Variants in PIBF1 observed in about 807,000 individuals in gnomAD.
PIBF1 encodes progesterone immunomodulatory binding factor 1.
A neutral mutation model predicts 112.5 loss-of-function variants in PIBF1; 90 were observed. The ratio of observed to expected loss-of-function variants is 0.80; its 90% CI spans 0.67 to 0.95. PIBF1 has a LOEUF of 0.95. Ranked by LOEUF, PIBF1 falls within the 40% of genes least tolerant of loss-of-function variation. The pLI is 0.00. For missense variants in PIBF1, 915 were observed against 852.3 expected (o/e 1.07, Z -0.92); for synonymous variants, 301 against 288.6 (o/e 1.04, Z -0.44).
intron 12 of PIBF1, among the ~76,000 whole-genome samples, chr13:72,914,169 T>C (rs1324787072): frequency 6.6e-6 from 1 of 152,230 alleles, no homozygotes; most frequent in African/African-American, 2.4e-5. Context: ...GCTTGCCATT[T>C]AATTCGGGTA....
At chr13:72,952,788 G>A (rs1030712744) in intron 14 of PIBF1, among the ~76,000 whole-genome samples, 1 of 151,164 alleles carries the variant, frequency 6.6e-6, no homozygotes, top group Non-Finnish European at 1.5e-5. Context: ...GATGATAGTA[G>A]TGATGTGCTG....
chr13:72,941,687 A>G (rs538139422), intron 14 of PIBF1, among the ~76,000 whole-genome samples: 1 of 152,332 alleles, frequency 6.6e-6, no homozygotes, highest in East Asian at 1.9e-4. Flanking sequence ...TGTACCTAGA[A>G]GGCATTGCTA....
intron 10 of PIBF1, among the ~76,000 whole-genome samples, chr13:72,892,239 A>C (rs2040086308): frequency 6.6e-6 from 1 of 152,142 alleles, no homozygotes; most frequent in African/African-American, 2.4e-5. Context: ...TTTTTAATAA[A>C]ATTGTAAAAA....
At chr13:72,920,898 T>C (rs2041263646) in intron 13 of PIBF1, among the ~76,000 whole-genome samples, 2 of 152,174 alleles carry the variant, frequency 1.3e-5, no homozygotes. Context: ...AATAAAGTTT[T>C]CATTGTACAT....
chr13:72,919,816 A>G lies in PIBF1; in HGVS notation c.1730+2650A>G, dbSNP rs539932152. On this transcript the variant is annotated intron_variant, in intron 13 of 17. Transcript: ENST00000326291. ...AACCCCATCTCTACAAAAAATACAAAAACTTAGCTGGGCATGGGGACATCT... is the reference window on the plus strand; with the variant it reads ...AACCCCATCTCTACAAAAAATACAAGAACTTAGCTGGGCATGGGGACATCT... 2.2e-3 allele frequency among the ~76,000 whole-genome samples: 329 copies of G among 152,174 alleles called. 1 individual carries two copies. The highest frequency in any genetic ancestry group is 0.01 in the Middle Eastern group (3 of 294).
intron 16 of PIBF1, among the ~76,000 whole-genome samples, chr13:72,990,213 C>CAAAA (rs34873893): frequency 3.8e-5 from 2 of 52,708 alleles, no homozygotes; most frequent in Admixed American, 2.2e-4. Context: ...GACTCTGTCT[C>CAAAA]AAAAAAAAAA....
At chr13:72,792,632 A>T in intron 3 of PIBF1, 85 bp downstream of exon 3, 1 of 668,240 alleles carries the variant, frequency 1.5e-6, no homozygotes, top group Non-Finnish European at 2.5e-6. Context: ...TTGTGACTGT[A>T]AGCTAAAATA....
chr13:72,788,333 G>C (rs2034710622), intron 2 of PIBF1, among the ~76,000 whole-genome samples: 4 of 152,188 alleles, frequency 2.6e-5, no homozygotes, highest in Admixed American at 2.6e-4. Context: ...GTTAATACCA[G>C]AGACTTGAAA....
Position 72,930,416 on chromosome 13 carries a change from A to C in PIBF1, c.1731-749A>C, listed in dbSNP as rs563754498. 2.4e-3 allele frequency among the ~76,000 whole-genome samples: 367 copies of C among 152,334 alleles called. 1 individual carries two copies. Among genetic ancestry groups the C allele is most frequent in the Non-Finnish European group, 4.2e-3 (288 of 68,038 alleles). On this transcript the variant is annotated intron_variant, in intron 13 of 17. Coordinates refer to ENST00000326291, the MANE Select transcript of PIBF1 (RefSeq NM_006346.4). ...GAAATGCAGAGAGGTTCTTTGGAGC[A>C]ATATGTCTTCTCAAAATTATTAGCA...
intron 9 of PIBF1, among the ~76,000 whole-genome samples, chr13:72,843,938 T>C (rs1451901308): frequency 6.6e-6 from 1 of 152,196 alleles, no homozygotes; most frequent in Non-Finnish European, 1.5e-5. Context: ...TTTTATACAA[T>C]AAAAACTTTG....
At chr13:73,007,683 C>T (rs2044078675) in intron 17 of PIBF1, among the ~76,000 whole-genome samples, 1 of 152,056 alleles carries the variant, frequency 6.6e-6, no homozygotes, top group South Asian at 2.1e-4. Flanking sequence ...GTGGCGCACG[C>T]CTGTAATCCT....
chr13:73,006,273 C>T (rs1019355467), intron 17 of PIBF1, among the ~76,000 whole-genome samples: 1 of 152,036 alleles, frequency 6.6e-6, no homozygotes, highest in Admixed American at 6.6e-5. Context: ...TATGACCGGA[C>T]CTCAAAATAT....
At chr13:72,919,488 T>C (rs2041218437) in intron 13 of PIBF1, among the ~76,000 whole-genome samples, 1 of 152,208 alleles carries the variant, frequency 6.6e-6, no homozygotes, top group Non-Finnish European at 1.5e-5. Flanking sequence ...TAGGATATTT[T>C]GTAATTTTCA....
In PIBF1 at chr13:72,946,775, C is replaced by T. The variant is rs1199152440; in HGVS notation, c.1833+15508C>T. 7.2e-5 allele frequency among the ~76,000 whole-genome samples: 11 copies of T among 152,322 alleles called. No homozygotes were observed. The East Asian group carries it at 2.1e-3, about 29-fold the overall frequency. On this transcript the variant is annotated intron_variant, in intron 14 of 17. Coordinates refer to ENST00000326291, the MANE Select transcript of PIBF1 (RefSeq NM_006346.4). ...GCTCCGAAATGACCTCCTTTGACTC[C>T]ACGTCTCACATCCAGGTCACATTGA...
At chr13:72,806,507 A>G (rs556679768) in intron 5 of PIBF1, among the ~76,000 whole-genome samples, 1 of 151,972 alleles carries the variant, frequency 6.6e-6, no homozygotes, top group Non-Finnish European at 1.5e-5. Context: ...ATTTCACCTA[A>G]TGCTATCCCT....
intron 12 of PIBF1, among the ~76,000 whole-genome samples, chr13:72,908,993 G>A (rs2040804278): frequency 6.6e-6 from 1 of 151,770 alleles, no homozygotes; most frequent in South Asian, 2.1e-4. Flanking sequence ...GTCGCGTTGA[G>A]CCGAAATCAT....
chr13:72,785,252 C>G (rs1351612486), intron 2 of PIBF1, among the ~76,000 whole-genome samples: 1 of 152,160 alleles, frequency 6.6e-6, no homozygotes, highest in Admixed American at 6.5e-5. Context: ...TGTTTCATCC[C>G]TTTCATTTTC....
At chr13:72,905,011 T>C (rs1483824273) in intron 11 of PIBF1, among the ~76,000 whole-genome samples, 3 of 152,006 alleles carry the variant, frequency 2.0e-5, no homozygotes, top group African/African-American at 7.2e-5. Flanking sequence ...AACTAGTAAG[T>C]GACTGAACTG....
At position 72,783,551 on chromosome 13, in the gene PIBF1, A is replaced by G. The variant is rs768973597; in HGVS notation, c.82A>G (p.Thr28Ala). 6.8e-6 allele frequency: 11 copies of G among 1,613,538 alleles called. No homozygotes were observed. The highest frequency in any genetic ancestry group is 2.2e-5 in the East Asian group (1 of 44,864). The part of the protein sequence containing the change: ...LESEDISLET[T>A]VPTDDISSSE... ...ATCTGAAGATATTAGTTTAGAAACA[A>G]CAGTTCCTACGGATGATATTTCCTC... Residue 28 changes from threonine (T) to alanine (A), a missense_variant, in exon 2 of 18, where the codon ACA becomes GCA. Thr to Ala is a moderately conservative substitution (Grantham distance 58). Coordinates refer to ENST00000326291, the MANE Select transcript of PIBF1 (RefSeq NM_006346.4).
Sources: allele counts gnomAD v4.1 joint callset (sites outside exome capture counted in the v4.1 genomes callset), GRCh38; gene constraint gnomAD v4.1.1; transcripts MANE v1.5; gene names NCBI Gene and HGNC (gene_info 2026-07-23, HGNC 2026-07-21).